The following CCDC7 variants were observed in gnomAD, a reference collection of about 807,000 sequenced individuals.
CCDC7 encodes coiled-coil domain containing 7, also known as coiled-coil domain-containing protein 7.
In CCDC7, 183 loss-of-function variants were observed where a neutral mutation model predicts 196.9. The observed-to-expected ratio is 0.93, with a 90% CI of 0.82 to 1.05. The LOEUF is 1.05. Ranked by LOEUF, CCDC7 falls within the 50% of genes least tolerant of loss-of-function variation. The pLI is 0.00. For synonymous variants in CCDC7, 525 were observed against 484.6 expected, an observed-to-expected ratio of 1.08 and a Z score of -1.10; for missense variants, 1,540 against 1,482.2, an observed-to-expected ratio of 1.04 and a Z score of -0.64.
rs575332157 is a variant in CCDC7, at chr10:32,643,611, CT to C, written c.2014+8460del. 4.0e-3 allele frequency among the ~76,000 whole-genome samples: 612 copies of C among 151,730 alleles called. 4 individuals are homozygous for C. The highest frequency in any genetic ancestry group is 0.014 in the African/African-American group (583 of 41,428). On this transcript the variant is annotated intron_variant, in intron 20 of 41. Coordinates refer to ENST00000639629, the Ensembl canonical transcript of CCDC7. Reference sequence around the variant, plus strand: ...TTAATTTATTTCTTTATGTTGGAATCTTTTTTTATTCATTCTGATTTTTAAA... The same window carrying C: ...TTAATTTATTTCTTTATGTTGGAATCTTTTTTATTCATTCTGATTTTTAAA...
intron 9 of CCDC7, among the ~76,000 whole-genome samples, chr10:32,510,851 G>T (rs550257731): frequency 6.6e-6 from 1 of 151,918 alleles, no homozygotes; most frequent in Admixed American, 6.6e-5. Flanking sequence ...ACATGATAAA[G>T]TATCTATACA....
intron 11 of CCDC7, among the ~76,000 whole-genome samples, chr10:32,536,897 C>T (rs185423118): frequency 6.4e-4 from 97 of 152,256 alleles, no homozygotes; most frequent in Admixed American, 1.2e-3. Context: ...TCCAGCCCAC[C>T]GTTGTTGGGC....
chr10:32,659,432 C>A (rs2140333640), intron 20 of CCDC7, among the ~76,000 whole-genome samples: 1 of 152,244 alleles, frequency 6.6e-6, no homozygotes, highest in Middle Eastern at 3.4e-3. Flanking sequence ...TTTGTTAAGA[C>A]TTATTTTATG....
At chr10:32,628,317 T>C (rs2064340754) in intron 18 of CCDC7, among the ~76,000 whole-genome samples, 1 of 151,974 alleles carries the variant, frequency 6.6e-6, no homozygotes, top group Non-Finnish European at 1.5e-5. Flanking sequence ...TGTAATTGTT[T>C]ATAGTAGTCT....
At chr10:32,460,311 T>C (rs1469720232) in intron 3 of CCDC7, among the ~76,000 whole-genome samples, 1 of 152,188 alleles carries the variant, frequency 6.6e-6, no homozygotes, top group Non-Finnish European at 1.5e-5. Flanking sequence ...AACAAATCAT[T>C]ACAAAATAAA....
At chr10:32,631,835 A>G (rs1257260874) in intron 18 of CCDC7, among the ~76,000 whole-genome samples, 1 of 151,990 alleles carries the variant, frequency 6.6e-6, no homozygotes, top group Non-Finnish European at 1.5e-5. Flanking sequence ...GATTCTTTGT[A>G]TTTTTAGTAT....
At chr10:32,456,257 G>T in exon 3 of CCDC7, 1 of 1,546,246 alleles carries the variant, frequency 6.5e-7, no homozygotes, top group South Asian at 1.3e-5. Flanking sequence ...AAAGGTTGGG[G>T]ATGATATGAA....
chr10:32,656,951 A>G (rs547126288), intron 20 of CCDC7, among the ~76,000 whole-genome samples: 1 of 152,356 alleles, frequency 6.6e-6, no homozygotes, highest in Admixed American at 6.5e-5. Context: ...ATTGGCCACA[A>G]CAAAGAGGCT....
At chr10:32,697,904 C>A (rs539618941) in intron 24 of CCDC7, among the ~76,000 whole-genome samples, 14 of 152,214 alleles carry the variant, frequency 9.2e-5, no homozygotes, top group Non-Finnish European at 1.5e-4. Context: ...AGTAGGCTAA[C>A]TGGGAGACAT....
intron 12 of CCDC7, 32 bp from the exon 14 acceptor site, chr10:32,544,215 C>T (rs12266680): frequency 0.058 from 90,835 of 1,558,948 alleles, 3,045 homozygotes; most frequent in Non-Finnish European, 0.068. Flanking sequence ...TTAAAAATAT[C>T]ATGATGCATT....
At chr10:32,619,790 G>T (rs564702827) in intron 18 of CCDC7, among the ~76,000 whole-genome samples, 21 of 151,822 alleles carry the variant, frequency 1.4e-4, no homozygotes, top group African/African-American at 5.1e-4. Flanking sequence ...GTTGAGACAA[G>T]GTCTTGCTAT....
chr10:32,802,071 G>A (rs569197963), intron 29 of CCDC7, among the ~76,000 whole-genome samples: 3 of 152,282 alleles, frequency 2.0e-5, no homozygotes, highest in African/African-American at 4.8e-5. Context: ...AAGAGCTTGT[G>A]TCTGATTTTC....
chr10:32,651,985 T>G (rs1010274260), intron 20 of CCDC7, among the ~76,000 whole-genome samples: 2 of 152,174 alleles, frequency 1.3e-5, no homozygotes, highest in African/African-American at 4.8e-5. Flanking sequence ...CTTTGTTGAT[T>G]TTTTGTCTGG....
chr10:32,571,826 A>C, intron 15 of CCDC7, 33 bp from the exon 17 acceptor site: 1 of 1,519,066 alleles, frequency 6.6e-7, no homozygotes, highest in East Asian at 2.5e-5. Context: ...TGCATACTTG[A>C]TATTTTTAAA....
intron 32 of CCDC7, among the ~76,000 whole-genome samples, chr10:32,828,859 C>G (rs2091790069): frequency 6.6e-6 from 1 of 152,188 alleles, no homozygotes; most frequent in South Asian, 2.1e-4. Flanking sequence ...ACTAGCAAAA[C>G]TTTTGTTTCT....
At chr10:32,482,672 C>T (rs570348169) in intron 8 of CCDC7, among the ~76,000 whole-genome samples, 5 of 152,132 alleles carry the variant, frequency 3.3e-5, no homozygotes, top group East Asian at 3.9e-4. Context: ...CAACAGGCCC[C>T]GGTGTGTGAT....
intron 15 of CCDC7, 135 bp from the exon 17 acceptor site, chr10:32,571,724 C>A: frequency 1.4e-6 from 1 of 721,540 alleles, no homozygotes; most frequent in Non-Finnish European, 2.0e-6. Context: ...ATGATAATTT[C>A]TTTGCTTTTT....
At chr10:32,555,178 A>G (rs1161595451) in intron 13 of CCDC7, among the ~76,000 whole-genome samples, 2 of 152,052 alleles carry the variant, frequency 1.3e-5, no homozygotes, top group Non-Finnish European at 2.9e-5. Flanking sequence ...TATCTTTTTA[A>G]TATACTGATT....
At chr10:32,795,508 C>A (rs986115675) in intron 29 of CCDC7, among the ~76,000 whole-genome samples, 1 of 152,122 alleles carries the variant, frequency 6.6e-6, no homozygotes, top group South Asian at 2.1e-4. Flanking sequence ...TTCCTTAAAA[C>A]TTCTATTTTG....
Sources: gnomAD v4.1 joint callset for allele counts (sites outside exome capture counted in the v4.1 genomes callset) on GRCh38, gnomAD v4.1.1 for gene constraint, MANE v1.5 for transcripts, NCBI Gene and HGNC (gene_info 2026-07-23, HGNC 2026-07-21) for gene names.